MARCHF1: variants seen among roughly 807,000 people sequenced by gnomAD.
MARCHF1 encodes the protein E3 ubiquitin-protein ligase MARCHF1.
MARCHF1 carries 40 observed loss-of-function variants against 54.2 expected under a neutral mutation model. That is an observed-to-expected ratio of 0.74 (90% confidence interval 0.57 to 0.96). The LOEUF is 0.96. MARCHF1 is among the 40% of genes least tolerant of loss of function. MARCHF1 has a pLI of 0.00. For missense variants in MARCHF1, 586 were observed against 656.5 expected (o/e 0.89, Z 1.17); for synonymous variants, 236 against 236.3 (o/e 1.00, Z 0.01).
At chr4:164,244,622 G>A (rs1402458864) in intron 1 of MARCHF1, among the ~76,000 whole-genome samples, 1 of 147,868 alleles carries the variant, frequency 6.8e-6, no homozygotes, top group Non-Finnish European at 1.5e-5. Flanking sequence ...CAGAACTGAA[G>A]GAAATAGAGA....
chr4:163,894,191 C>A (rs777078509), intron 3 of MARCHF1, among the ~76,000 whole-genome samples: 27 of 152,082 alleles, frequency 1.8e-4, no homozygotes, highest in Non-Finnish European at 4.0e-4. Context: ...CAGAGCTCAG[C>A]TAACTGTAAG....
At chr4:163,589,070 G>GAGAAA (rs1553994760) in intron 7 of MARCHF1, among the ~76,000 whole-genome samples, 1 of 128,032 alleles carries the variant, frequency 7.8e-6, no homozygotes, top group African/African-American at 2.9e-5. Context: ...TGTCTTATTT[G>GAGAAA]AAAAAAAAAA....
chr4:164,108,815 T>C (rs1305204158), intron 2 of MARCHF1, among the ~76,000 whole-genome samples: 1 of 152,074 alleles, frequency 6.6e-6, no homozygotes, highest in Admixed American at 6.6e-5. Flanking sequence ...AAATAGTCTC[T>C]TTTTATAGGT....
intron 1 of MARCHF1, chr4:164,189,157 C>A: frequency 1.7e-6 from 1 of 587,130 alleles, no homozygotes. Context: ...CTATGACTAG[C>A]GTGTCATGGA....
intron 4 of MARCHF1, among the ~76,000 whole-genome samples, chr4:163,848,789 T>C (rs1579337501): frequency 6.6e-6 from 1 of 152,154 alleles, no homozygotes; most frequent in Admixed American, 6.5e-5. Flanking sequence ...TTATTATTCA[T>C]TATGAAAGAT....
intron 1 of MARCHF1, among the ~76,000 whole-genome samples, chr4:164,320,833 C>A (rs1735122228): frequency 6.6e-6 from 1 of 152,032 alleles, no homozygotes; most frequent in Non-Finnish European, 1.5e-5. Flanking sequence ...AGGTTGGGAA[C>A]TGAAAGTTCT....
chr4:163,560,662 A>T (rs1448242147), intron 8 of MARCHF1, among the ~76,000 whole-genome samples: 1 of 152,178 alleles, frequency 6.6e-6, no homozygotes, highest in African/African-American at 2.4e-5. Flanking sequence ...TGACAATAAT[A>T]GACATCTACA....
chr4:164,190,618 G>A (rs1442879687), intron 1 of MARCHF1, among the ~76,000 whole-genome samples: 3 of 152,182 alleles, frequency 2.0e-5, no homozygotes, highest in African/African-American at 4.8e-5. Flanking sequence ...ACTGGGTCAT[G>A]TTCATCTGGT....
intron 4 of MARCHF1, among the ~76,000 whole-genome samples, chr4:163,759,106 A>C (rs1746759185): frequency 6.8e-6 from 1 of 147,850 alleles, no homozygotes; most frequent in Admixed American, 6.8e-5. Context: ...ATTAATATTC[A>C]CTTTTTTTTT....
chr4:163,749,631 T>C (rs960364546), intron 4 of MARCHF1, among the ~76,000 whole-genome samples: 1 of 152,146 alleles, frequency 6.6e-6, no homozygotes, highest in African/African-American at 2.4e-5. Context: ...ATTTTTGTCA[T>C]AAATAGCTAT....
intron 4 of MARCHF1, among the ~76,000 whole-genome samples, chr4:163,755,954 G>A (rs1746654129): frequency 6.6e-6 from 1 of 152,054 alleles, no homozygotes; most frequent in African/African-American, 2.4e-5. Flanking sequence ...CAGATATACT[G>A]GTGCCAATCT....
At chr4:164,267,699 A>C (rs1190092401) in intron 1 of MARCHF1, among the ~76,000 whole-genome samples, 1 of 152,208 alleles carries the variant, frequency 6.6e-6, no homozygotes, top group Non-Finnish European at 1.5e-5. Flanking sequence ...CATACAAAGA[A>C]CACAACTGAT....
intron 3 of MARCHF1, among the ~76,000 whole-genome samples, chr4:163,986,517 G>T (rs1238657990): frequency 1.3e-5 from 2 of 151,550 alleles, no homozygotes; most frequent in African/African-American, 4.8e-5. Flanking sequence ...CGCCCGCCTC[G>T]GCCTCCCAAA....
intron 5 of MARCHF1, among the ~76,000 whole-genome samples, chr4:163,671,174 AAAC>A (rs1743723340): frequency 6.6e-6 from 1 of 152,224 alleles, no homozygotes. Context: ...AGATGAATGA[AAAC>A]AACACTATCA....
At chr4:163,845,885 G>C (rs1448904548) in intron 4 of MARCHF1, among the ~76,000 whole-genome samples, 1 of 152,108 alleles carries the variant, frequency 6.6e-6, no homozygotes, top group Non-Finnish European at 1.5e-5. Context: ...TTTTCCTCAT[G>C]GTGTGAAGTT....
At chr4:164,163,010 C>A (rs1480205136) in intron 1 of MARCHF1, among the ~76,000 whole-genome samples, 1 of 151,872 alleles carries the variant, frequency 6.6e-6, no homozygotes, top group African/African-American at 2.4e-5. Context: ...AAAAGTCAGC[C>A]TGGAATTCTA....
intron 2 of MARCHF1, among the ~76,000 whole-genome samples, chr4:164,053,881 T>C (rs969731629): frequency 7.2e-5 from 11 of 152,164 alleles, no homozygotes; most frequent in African/African-American, 7.2e-5. Flanking sequence ...ACTTCATGTC[T>C]AAAACACCAA....
chr4:164,372,742 A>G (rs915211115), intron 1 of MARCHF1, among the ~76,000 whole-genome samples: 9 of 152,144 alleles, frequency 5.9e-5, no homozygotes, highest in African/African-American at 1.7e-4. Flanking sequence ...AGTTTCCTTT[A>G]TATTACCATT....
chr4:163,648,838 G>A (rs543162918), intron 5 of MARCHF1, among the ~76,000 whole-genome samples: 3 of 151,552 alleles, frequency 2.0e-5, no homozygotes, highest in South Asian at 4.2e-4. Context: ...ACATGCAAAC[G>A]CACAATGACA....
Sources: gnomAD v4.1 joint callset for allele counts (sites outside exome capture counted in the v4.1 genomes callset) on GRCh38, gnomAD v4.1.1 for gene constraint, MANE v1.5 for transcripts, NCBI Gene and HGNC (gene_info 2026-07-23, HGNC 2026-07-21) for gene names.